Variants in ATP10B observed in about 807,000 individuals in gnomAD.
ATP10B encodes phospholipid-transporting ATPase VB.
In ATP10B, 122 loss-of-function variants were observed where a neutral mutation model predicts 141.2. The observed-to-expected ratio is 0.86, with a 90% CI of 0.75 to 1.00. The LOEUF (loss-of-function observed/expected upper bound fraction) is 1.00. Among genes scored for constraint, ATP10B ranks in the 50% least tolerant of loss-of-function variants. The pLI is 0.00. For synonymous variants in ATP10B, 685 were observed against 692.0 expected (o/e 0.99, Z 0.16); for missense variants, 1,876 against 1,825.3 (o/e 1.03, Z -0.51).
At chr5:160,827,848 T>A (rs550722831) in intron 1 of ATP10B, among the ~76,000 whole-genome samples, 5 of 152,190 alleles carry the variant, frequency 3.3e-5, no homozygotes, top group Admixed American at 6.6e-5. Flanking sequence ...AAATAGGGAA[T>A]CCTTTCCCCA....
intron 24 of ATP10B, among the ~76,000 whole-genome samples, chr5:160,572,285 A>C (rs1754927460): frequency 6.6e-6 from 1 of 152,148 alleles, no homozygotes; most frequent in Admixed American, 6.6e-5. Context: ...TGAAGAAGAA[A>C]GCAATTAGCT....
chr5:160,806,153 TTAA>T (rs1437573311), intron 1 of ATP10B, among the ~76,000 whole-genome samples: 1 of 152,214 alleles, frequency 6.6e-6, no homozygotes, highest in Non-Finnish European at 1.5e-5. Flanking sequence ...AGTTCAAATG[TTAA>T]TCTCTTCTGG....
the ATP10B span, among the ~76,000 whole-genome samples, chr5:160,926,664 C>T: frequency 6.6e-6 from 1 of 152,194 alleles, no homozygotes; most frequent in Non-Finnish European, 1.5e-5. Context: ...TGAAATACTG[C>T]CAAACGCTGT....
rs115732125 is a variant in ATP10B, at chr5:160,834,135, G to C, written c.-576+17806C>G. 6.1e-3 allele frequency among the ~76,000 whole-genome samples: 926 copies of C among 151,898 alleles called. 15 individuals are homozygous for C. Among genetic ancestry groups the C allele is most frequent in the African/African-American group, 0.022 (892 of 41,350 alleles). ...AGGCCAGGAGTTTGAGAACAGCTTGGCCAACAGACAAAATCCCATCTCTAC... is the reference window on the plus strand; with the variant it reads ...AGGCCAGGAGTTTGAGAACAGCTTGCCCAACAGACAAAATCCCATCTCTAC... On this transcript the variant is annotated intron_variant, in intron 1 of 25. Coordinates refer to ENST00000327245, the MANE Select transcript of ATP10B (RefSeq NM_025153.3).
chr5:160,747,995 GAAAA>G (rs3075589), intron 2 of ATP10B, among the ~76,000 whole-genome samples: 8,590 of 98,892 alleles, frequency 0.087, 284 homozygotes, highest in Middle Eastern at 0.12. Context: ...CATTGAGAGA[GAAAA>G]AAAAAAAAAA....
intron 18 of ATP10B, among the ~76,000 whole-genome samples, chr5:160,611,527 A>G (rs184562749): frequency 1.3e-5 from 2 of 152,354 alleles, no homozygotes; most frequent in Admixed American, 6.5e-5. Context: ...AAAATTCATT[A>G]AGGTTTAATC....
chr5:160,902,110 AAACT>A, the ATP10B span, among the ~76,000 whole-genome samples: 6 of 152,234 alleles, frequency 3.9e-5, no homozygotes, highest in Admixed American at 3.3e-4. Flanking sequence ...TTTAATCAGA[AAACT>A]AACTAAAAAT....
chr5:160,624,377 G>C (rs1489492039), intron 13 of ATP10B, among the ~76,000 whole-genome samples: 2 of 152,128 alleles, frequency 1.3e-5, no homozygotes, highest in East Asian at 3.9e-4. Flanking sequence ...AAGAATACCA[G>C]CCTTCATTCT....
At chr5:160,818,393 GA>G (rs1773846424) in intron 1 of ATP10B, among the ~76,000 whole-genome samples, 1 of 152,162 alleles carries the variant, frequency 6.6e-6, no homozygotes, top group Admixed American at 6.5e-5. Context: ...AAAGACACAT[GA>G]AAAAATGCTC....
chr5:160,868,932 A>G, the ATP10B span, among the ~76,000 whole-genome samples: 3 of 152,154 alleles, frequency 2.0e-5, no homozygotes, highest in Admixed American at 6.6e-5. Context: ...CAAGAAATTC[A>G]TATAAGGCTT....
intron 7 of ATP10B, among the ~76,000 whole-genome samples, chr5:160,666,221 C>A (rs780513832): frequency 3.3e-5 from 5 of 152,110 alleles, no homozygotes; most frequent in African/African-American, 1.2e-4. Context: ...AGGTTTATAT[C>A]GAGATTGTCT....
chr5:160,825,419 C>T (rs1774515732), intron 1 of ATP10B, among the ~76,000 whole-genome samples: 1 of 152,176 alleles, frequency 6.6e-6, no homozygotes, highest in Non-Finnish European at 1.5e-5. Context: ...AACCCTTTCT[C>T]TTGGCTCCTA....
chr5:160,628,981 C>T (rs542233418), intron 13 of ATP10B, among the ~76,000 whole-genome samples: 50 of 151,210 alleles, frequency 3.3e-4, no homozygotes, highest in African/African-American at 1.0e-3. Flanking sequence ...CTGTTTTTGT[C>T]GATTGTTATT....
At chr5:160,791,081 T>C (rs1198157347) in intron 1 of ATP10B, among the ~76,000 whole-genome samples, 1 of 151,372 alleles carries the variant, frequency 6.6e-6, no homozygotes, top group Admixed American at 6.6e-5. Flanking sequence ...AAAGGAAATA[T>C]GGGCCTGCAG....
chr5:160,698,384 T>G (rs796538821), intron 3 of ATP10B, among the ~76,000 whole-genome samples: 2 of 152,306 alleles, frequency 1.3e-5, no homozygotes, highest in South Asian at 2.1e-4. Context: ...TATTTTTAAG[T>G]GTCGCAGATA....
chr5:160,887,481 T>C, the ATP10B span, among the ~76,000 whole-genome samples: 1 of 152,098 alleles, frequency 6.6e-6, no homozygotes, highest in Non-Finnish European at 1.5e-5. Flanking sequence ...AAGCATATAA[T>C]GACTAAAACA....
At chr5:160,576,738 G>A (rs1260064007) in intron 24 of ATP10B, among the ~76,000 whole-genome samples, 1 of 152,192 alleles carries the variant, frequency 6.6e-6, no homozygotes, top group African/African-American at 2.4e-5. Context: ...AGCAAGAATA[G>A]GGTATTTGAG....
the ATP10B span, among the ~76,000 whole-genome samples, chr5:160,917,759 G>A: frequency 6.6e-6 from 1 of 152,168 alleles, no homozygotes; most frequent in Non-Finnish European, 1.5e-5. Flanking sequence ...CTATTTACAA[G>A]CCACAACTCT....
At chr5:160,807,248 G>T (rs1772840134) in intron 1 of ATP10B, among the ~76,000 whole-genome samples, 2 of 152,176 alleles carry the variant, frequency 1.3e-5, no homozygotes, top group Admixed American at 1.3e-4. Flanking sequence ...AAGAGTGATT[G>T]TCTCTGGTAA....
Sources: allele counts gnomAD v4.1 joint callset (sites outside exome capture counted in the v4.1 genomes callset), GRCh38; gene constraint gnomAD v4.1.1; transcripts MANE v1.5; gene names NCBI Gene and HGNC (gene_info 2026-07-23, HGNC 2026-07-21).